Variants in CNTNAP2 observed in about 807,000 individuals in gnomAD.
CNTNAP2 encodes contactin-associated protein-like 2.
CNTNAP2 carries 98 observed loss-of-function variants against 155.2 expected under a neutral mutation model. That is an observed-to-expected ratio of 0.63 (90% CI 0.54 to 0.75). CNTNAP2 has a LOEUF of 0.75. Ranked by LOEUF, CNTNAP2 falls within the 30% of genes least tolerant of loss-of-function variation. The probability of loss-of-function intolerance (pLI) is 0.00; values close to 1 mark genes in which losing one functional copy is unlikely to be tolerated. For synonymous variants in CNTNAP2, 651 were observed against 631.2 expected, an observed-to-expected ratio of 1.03 and a Z score of -0.47; for missense variants, 1,727 against 1,688.1, an observed-to-expected ratio of 1.02 and a Z score of -0.40.
At chr7:147,311,286 A>C (rs1795121437) in intron 9 of CNTNAP2, among the ~76,000 whole-genome samples, 1 of 152,142 alleles carries the variant, frequency 6.6e-6, no homozygotes, top group Non-Finnish European at 1.5e-5. Context: ...CAAAAGATTT[A>C]TTGGGCAAGT....
intron 1 of CNTNAP2, among the ~76,000 whole-genome samples, chr7:146,519,117 C>T (rs1315735316): frequency 6.6e-6 from 1 of 151,798 alleles, no homozygotes; most frequent in Non-Finnish European, 1.5e-5. Flanking sequence ...ATGTCATGTC[C>T]GGAGTGCTTG....
intron 1 of CNTNAP2, among the ~76,000 whole-genome samples, chr7:146,344,625 T>C (rs1054423014): frequency 6.6e-6 from 1 of 152,086 alleles, no homozygotes; most frequent in Non-Finnish European, 1.5e-5. Flanking sequence ...ACTACAGGCA[T>C]GGGCCACCAT....
intron 13 of CNTNAP2, among the ~76,000 whole-genome samples, chr7:147,715,356 A>G (rs1188509366): frequency 1.3e-5 from 2 of 151,990 alleles, no homozygotes; most frequent in South Asian, 2.1e-4. Context: ...TGTTATCACT[A>G]TTTTTATCCT....
chr7:147,513,760 T>G (rs1439973671), intron 11 of CNTNAP2, among the ~76,000 whole-genome samples: 1 of 152,260 alleles, frequency 6.6e-6, no homozygotes, highest in African/African-American at 2.4e-5. Flanking sequence ...ACCTTCCTGC[T>G]CTATCTCTAC....
At chr7:148,045,202 C>G (rs1802754366) in intron 15 of CNTNAP2, among the ~76,000 whole-genome samples, 1 of 152,126 alleles carries the variant, frequency 6.6e-6, no homozygotes, top group African/African-American at 2.4e-5. Context: ...GGGAGCTGTC[C>G]TGGACACGCA....
intron 1 of CNTNAP2, among the ~76,000 whole-genome samples, chr7:146,701,338 A>G (rs1294891243): frequency 2.0e-5 from 3 of 152,132 alleles, no homozygotes; most frequent in Admixed American, 6.6e-5. Flanking sequence ...CCTTTGTGCA[A>G]CACGGTGGAT....
intron 21 of CNTNAP2, among the ~76,000 whole-genome samples, chr7:148,276,177 C>T (rs1017085674): frequency 2.0e-5 from 3 of 152,100 alleles, no homozygotes; most frequent in Non-Finnish European, 2.9e-5. Context: ...AATAGGACTA[C>T]GCAGTTGTAT....
chr7:146,129,179 ACCC>A (rs1284372809), intron 1 of CNTNAP2, among the ~76,000 whole-genome samples: 2 of 152,192 alleles, frequency 1.3e-5, no homozygotes, highest in East Asian at 3.8e-4. Context: ...GCATATAATC[ACCC>A]ACGTATCAAT....
In CNTNAP2 at chr7:146,506,662, G is replaced by GT. The variant is rs200033111; in HGVS notation, c.98-267608dup. Among the ~76,000 whole-genome samples the GT allele has an allele frequency of 7.0e-3, 1,063 of 152,358 alleles. 13 individuals are homozygous for GT. The highest frequency in any genetic ancestry group is 0.021 in the African/African-American group (892 of 41,586). On this transcript the variant is annotated intron_variant, in intron 1 of 23. Transcript: ENST00000361727. Reference sequence around the variant, plus strand: ...GGCCTGTGACCAACTAGCTAATTCTGTAACTTTCAGGTAGTTAACCACAAG... The same window carrying GT: ...GGCCTGTGACCAACTAGCTAATTCTGTTAACTTTCAGGTAGTTAACCACAAG...
intron 1 of CNTNAP2, 28 bp downstream of exon 1, chr7:146,117,001 T>G: frequency 1.3e-6 from 2 of 1,537,288 alleles, no homozygotes; most frequent in Non-Finnish European, 1.8e-6. Flanking sequence ...CGCTCTGCTC[T>G]GGAGCAGTTT....
At chr7:146,797,624 T>C (rs928105554) in intron 2 of CNTNAP2, among the ~76,000 whole-genome samples, 1 of 152,204 alleles carries the variant, frequency 6.6e-6, no homozygotes, top group African/African-American at 2.4e-5. Flanking sequence ...ATTAAACAGA[T>C]ATTTCTGTAG....
intron 13 of CNTNAP2, among the ~76,000 whole-genome samples, chr7:147,700,758 G>A (rs922811178): frequency 6.6e-6 from 1 of 152,224 alleles, no homozygotes; most frequent in African/African-American, 2.4e-5. Context: ...TGTGAAACCA[G>A]TGTTAAGTAT....
intron 3 of CNTNAP2, among the ~76,000 whole-genome samples, chr7:146,983,567 A>G (rs1798059487): frequency 6.6e-6 from 1 of 152,070 alleles, no homozygotes; most frequent in African/African-American, 2.4e-5. Flanking sequence ...CAAATGTGAT[A>G]CTCTCTTCCA....
intron 9 of CNTNAP2, among the ~76,000 whole-genome samples, chr7:147,325,875 C>T (rs927543028): frequency 1.3e-5 from 2 of 152,268 alleles, no homozygotes; most frequent in African/African-American, 2.4e-5. Context: ...TAAAAACTAA[C>T]TCCCTATTTC....
chr7:146,141,556 T>A (rs997159484), intron 1 of CNTNAP2, among the ~76,000 whole-genome samples: 3 of 152,160 alleles, frequency 2.0e-5, no homozygotes, highest in African/African-American at 7.2e-5. Context: ...AAATAACAAT[T>A]ACATAATTAA....
intron 8 of CNTNAP2, among the ~76,000 whole-genome samples, chr7:147,180,488 C>A (rs1563105523): frequency 1.3e-5 from 2 of 151,970 alleles, no homozygotes; most frequent in Non-Finnish European, 2.9e-5. Context: ...GAATTACCAA[C>A]TTAAAATAGG....
At chr7:148,343,534 G>C (rs1798271131) in intron 21 of CNTNAP2, among the ~76,000 whole-genome samples, 1 of 152,058 alleles carries the variant, frequency 6.6e-6, no homozygotes, top group Admixed American at 6.5e-5. Context: ...TTAATTAATT[G>C]CAGAAATGTA....
At chr7:146,417,451 G>T (rs1332391104) in intron 1 of CNTNAP2, among the ~76,000 whole-genome samples, 3 of 152,086 alleles carry the variant, frequency 2.0e-5, no homozygotes, top group Admixed American at 6.6e-5. Context: ...GCATGTTTAT[G>T]CCACTATTTG....
intron 9 of CNTNAP2, among the ~76,000 whole-genome samples, chr7:147,340,032 G>C (rs574931003): frequency 6.6e-6 from 1 of 152,218 alleles, no homozygotes; most frequent in African/African-American, 2.4e-5. Flanking sequence ...TGTCACCAAT[G>C]GCATTGGACA....
Sources: allele counts gnomAD v4.1 joint callset (sites outside exome capture counted in the v4.1 genomes callset), GRCh38; gene constraint gnomAD v4.1.1; transcripts MANE v1.5; gene names NCBI Gene and HGNC (gene_info 2026-07-23, HGNC 2026-07-21).